FARSB: variants seen among roughly 807,000 people sequenced by gnomAD.
FARSB encodes the protein phenylalanine--tRNA ligase beta subunit.
Under a neutral mutation model 69.6 loss-of-function variants are expected in FARSB, and 40 were observed. The ratio of observed to expected loss-of-function variants is 0.57; its 90% CI spans 0.45 to 0.75. The LOEUF (loss-of-function observed/expected upper bound fraction) is 0.75, where lower values mean the gene tolerates loss of function less well. Among genes scored for constraint, FARSB ranks in the 30% least tolerant of loss-of-function variants. The pLI is 0.00. For synonymous variants in FARSB, 235 were observed against 247.2 expected (o/e 0.95, Z 0.46); for missense variants, 632 against 722.9 (o/e 0.87, Z 1.44).
intron 16 of FARSB, among the ~76,000 whole-genome samples, chr2:222,592,292 C>T (rs1377766426): frequency 6.6e-6 from 1 of 152,162 alleles, no homozygotes; most frequent in Non-Finnish European, 1.5e-5. Context: ...TTCCTTCTTT[C>T]CAGCCACCCA....
intron 13 of FARSB, among the ~76,000 whole-genome samples, chr2:222,622,791 C>T (rs1337647577): frequency 5.9e-5 from 9 of 152,186 alleles, no homozygotes; most frequent in Non-Finnish European, 1.2e-4. Context: ...GTGCTACGTA[C>T]TTATCCTCTC....
chr2:222,599,822 C>T (rs1229085075), intron 16 of FARSB, 106 bp downstream of exon 16: 2 of 830,774 alleles, frequency 2.4e-6, no homozygotes, highest in Non-Finnish European at 3.7e-6. Context: ...TAAAACTCTC[C>T]CTTTCTTTCT....
intron 10 of FARSB, among the ~76,000 whole-genome samples, chr2:222,627,966 A>C (rs1691319541): frequency 6.6e-6 from 1 of 152,262 alleles, no homozygotes; most frequent in Admixed American, 6.5e-5. Context: ...GTTTTAGAAC[A>C]GTCATCTTTA....
chr2:222,588,263 A>G (rs1348820931), intron 16 of FARSB, among the ~76,000 whole-genome samples: 4 of 152,242 alleles, frequency 2.6e-5, no homozygotes, highest in Non-Finnish European at 2.9e-5. Context: ...CAAAAACCAC[A>G]TGATTATCTC....
At chr2:222,652,586 T>C (rs1177027368) in intron 1 of FARSB, among the ~76,000 whole-genome samples, 10 of 152,220 alleles carry the variant, frequency 6.6e-5, no homozygotes, top group Admixed American at 6.5e-4. Flanking sequence ...ATGGAGAGGA[T>C]AAGGTGGGAG....
chr2:222,608,272 G>A (rs907750535), intron 15 of FARSB, among the ~76,000 whole-genome samples: 14 of 152,118 alleles, frequency 9.2e-5, no homozygotes, highest in South Asian at 2.1e-4. Flanking sequence ...ACATGTGGAC[G>A]CTAGATAATC....
intron 12 of FARSB, 62 bp from the exon 13 acceptor site, chr2:222,623,792 T>C: frequency 9.8e-7 from 1 of 1,024,550 alleles, no homozygotes; most frequent in South Asian, 1.3e-5. Flanking sequence ...AAAAGGGAGA[T>C]TTATACAGAA....
At chr2:222,626,921 A>G (rs1031648621) in intron 10 of FARSB, among the ~76,000 whole-genome samples, 1 of 152,120 alleles carries the variant, frequency 6.6e-6, no homozygotes, top group African/African-American at 2.4e-5. Flanking sequence ...CTGTAGTCCC[A>G]GCTACTCGGG....
chr2:222,644,450 GA>G (rs1446052736), intron 2 of FARSB: 1 of 437,506 alleles, frequency 2.3e-6, no homozygotes, highest in Non-Finnish European at 4.6e-6. Flanking sequence ...GGCAAAAAGA[GA>G]AGAGGAAGAA....
intron 16 of FARSB, among the ~76,000 whole-genome samples, chr2:222,595,536 T>C (rs2106193594): frequency 6.6e-6 from 1 of 152,332 alleles, no homozygotes; most frequent in South Asian, 2.1e-4. Context: ...AAATGTATTC[T>C]GAGCAGCATG....
Position 222,639,678 on chromosome 2 carries a change from AG to A in FARSB, c.356del (p.Pro119LeufsTer4), listed in dbSNP as rs1484306860. 6.4e-7 allele frequency: 1 copy of A among 1,566,532 alleles called. No individual in the cohort carries two copies. The highest frequency in any genetic ancestry group is 8.7e-7 in the Non-Finnish European group (1 of 1,148,078). Reference sequence around the variant, plus strand: ...TACGGAGAACTGCTGCTACCGCAAAAGGACGTATCTTAGCTGTCTGAAATTC... The same window carrying A: ...TACGGAGAACTGCTGCTACCGCAAAAGACGTATCTTAGCTGTCTGAAATTC... ...IITEETAKIRPFAVAAVLRNI... is the reference protein window; with the variant it reads ...IITEETAKIRXFAVAAVLRNI... On this transcript the variant is annotated frameshift_variant, in exon 5 of 17. Transcript: ENST00000281828. LOFTEE classifies it high-confidence loss of function.
intron 15 of FARSB, among the ~76,000 whole-genome samples, chr2:222,611,673 T>C (rs1690857582): frequency 6.6e-6 from 1 of 152,158 alleles, no homozygotes; most frequent in African/African-American, 2.4e-5. Context: ...GCTCTCTCAA[T>C]AGGAAGTCAT....
intron 3 of FARSB, among the ~76,000 whole-genome samples, chr2:222,641,199 C>A (rs963624269): frequency 2.0e-5 from 3 of 152,068 alleles, no homozygotes; most frequent in African/African-American, 7.2e-5. Context: ...GGCTACAAAC[C>A]ATTAACTGAG....
At chr2:222,610,475 A>G (rs7423400) in intron 15 of FARSB, among the ~76,000 whole-genome samples, 48,072 of 151,352 alleles carry the variant, frequency 0.32, 7,790 homozygotes, top group Middle Eastern at 0.44. Context: ...CGTCTGTTTT[A>G]GTTTTCTTAT....
chr2:222,610,303 A>G (rs1195156989), intron 15 of FARSB, among the ~76,000 whole-genome samples: 1 of 152,276 alleles, frequency 6.6e-6, no homozygotes, highest in Middle Eastern at 3.4e-3. Context: ...TTTTCTTCAA[A>G]AAAGTTTCAT....
chr2:222,636,489 G>A (rs1691585552), intron 5 of FARSB, among the ~76,000 whole-genome samples: 1 of 150,896 alleles, frequency 6.6e-6, no homozygotes, highest in Admixed American at 6.6e-5. Context: ...CAGGAAGACT[G>A]ATAACTATAC....
At chr2:222,641,960 T>C (rs1225279628) in intron 3 of FARSB, among the ~76,000 whole-genome samples, 1 of 152,022 alleles carries the variant, frequency 6.6e-6, no homozygotes, top group Non-Finnish European at 1.5e-5. Context: ...CAATTTTTAA[T>C]AGCTGTTCAT....
intron 5 of FARSB, among the ~76,000 whole-genome samples, chr2:222,639,208 C>T (rs142499388): frequency 1.3e-5 from 2 of 152,296 alleles, no homozygotes; most frequent in African/African-American, 4.8e-5. Context: ...TTCATTAACA[C>T]GGTTTATACT....
intron 16 of FARSB, among the ~76,000 whole-genome samples, chr2:222,584,534 G>A (rs1010670495): frequency 1.3e-5 from 2 of 152,194 alleles, no homozygotes; most frequent in Non-Finnish European, 2.9e-5. Context: ...AGCCAAAGCA[G>A]GGCAGGGCAT....
Sources: gnomAD v4.1 joint callset for allele counts (sites outside exome capture counted in the v4.1 genomes callset) on GRCh38, gnomAD v4.1.1 for gene constraint, MANE v1.5 for transcripts, NCBI Gene and HGNC (gene_info 2026-07-23, HGNC 2026-07-21) for gene names.